RFX2: variants seen among roughly 807,000 people sequenced by gnomAD.
The protein encoded by RFX2 is DNA-binding protein RFX2.
RFX2 carries 20 observed loss-of-function variants against 87.8 expected under a neutral mutation model. The ratio of observed to expected loss-of-function variants is 0.23; its 90% CI spans 0.16 to 0.33. RFX2 has a LOEUF of 0.33. Among genes scored for constraint, RFX2 ranks in the 10% least tolerant of loss-of-function variants. The pLI is 1.00. For missense variants in RFX2, 767 were observed against 1,012.3 expected (o/e 0.76, Z 3.29); for synonymous variants, 397 against 431.3 (o/e 0.92, Z 0.98).
rs2086514614 is a variant in RFX2, at chr19:6,002,987, A to C, written c.1501-117T>G. Reference sequence around the variant, plus strand: ...CAGGGAGGAGGGAGCAGGAAACAGCAACCTGGGCAGGGAAGAGGGAACCTC... The same window carrying C: ...CAGGGAGGAGGGAGCAGGAAACAGCCACCTGGGCAGGGAAGAGGGAACCTC... On this transcript the variant is annotated intron_variant, in intron 13 of 17. Transcript: ENST00000303657. This position sits in a 1 kb window ranked among gnomAD's most constrained non-coding sequence, Gnocchi z 6.7. 1.7e-6 allele frequency: 2 copies of C among 1,191,146 alleles called. No homozygotes were observed. The highest frequency in any genetic ancestry group is 2.3e-6 in the Non-Finnish European group (2 of 859,666). The allele number at this position is 1,191,146 out of a possible 1,614,324, so 73.8% of individuals were successfully genotyped here. A position where few individuals can be genotyped will look rare whatever the true frequency, so the allele number is the denominator to read the frequency against.
chr19:6,073,014 C>G (rs994996059), intron 1 of RFX2: 23 of 533,374 alleles, frequency 4.3e-5, no homozygotes, highest in East Asian at 2.9e-4. Flanking sequence ...GAGTCTCACT[C>G]TGTTGTGCAG....
intron 1 of RFX2, chr19:6,068,517 T>C (rs78960448): frequency 0.081 from 12,367 of 152,194 alleles, 541 homozygotes; most frequent in Middle Eastern, 0.11. Context: ...AGTGCTGGGA[T>C]AGGAAGGGGT....
Position 6,016,108 on chromosome 19 carries a change from G to A in RFX2, c.761C>T (p.Thr254Met), listed in dbSNP as rs753387032. 1 of 1,608,004 alleles carries A rather than the reference G, an allele frequency of 6.2e-7. No individual in the cohort carries two copies. The highest frequency in any genetic ancestry group is 8.5e-7 in the Non-Finnish European group (1 of 1,176,234). Residue 254 changes from threonine (T) to methionine (M), a missense_variant, in exon 7 of 18, where the codon ACG becomes ATG. By Grantham distance (81) the Thr-to-Met change is moderately conservative. Around this residue, in one of 2 missense-constraint regions of RFX2, gnomAD observed 621 missense variants for 873.0 expected, o/e 0.71. Transcript: ENST00000303657. The surrounding 1 kb of genome is among the most constrained non-coding windows in gnomAD (Gnocchi z 5.4). Reference protein sequence around the residue: ...LIRSVFMGLRTRRLGTRGNSK... With the variant: ...LIRSVFMGLRMRRLGTRGNSK... ...TACCCACCTGGTGCCCAGCCGCCGC[G>A]TTCTCAGCCCCATAAACACAGAACG...
chr19:6,043,266 G>A (rs2087136954), intron 3 of RFX2, among the ~76,000 whole-genome samples: 1 of 152,246 alleles, frequency 6.6e-6, no homozygotes, highest in Non-Finnish European at 1.5e-5. Flanking sequence ...AGCTAAGACA[G>A]AGCCACTGGC....
At chr19:6,087,123 G>A (rs376758926) in intron 1 of RFX2, among the ~76,000 whole-genome samples, 5 of 152,112 alleles carry the variant, frequency 3.3e-5, no homozygotes, top group African/African-American at 1.2e-4. Context: ...TCACTTCCTG[G>A]GTGGGGACTG....
chr19:6,003,035 G>A lies in RFX2; in HGVS notation c.1501-165C>T, dbSNP rs147225337. On this transcript the variant is annotated intron_variant, in intron 13 of 17. Transcript: ENST00000303657. ...CTCCTGCTATTCTTAAGGACCCAGT[G>A]TGTGAGAATCAGTGAAGAGGAGACC... is the stretch of plus-strand genomic sequence containing the variant. Among the ~76,000 whole-genome samples, 1,467 of 152,276 alleles carry A rather than the reference G, an allele frequency of 9.6e-3. 8 individuals carry two copies. The highest frequency in any genetic ancestry group is 0.021 in the South Asian group (99 of 4,816).
In RFX2 at chr19:6,008,218, G is replaced by C; in HGVS notation, c.1022C>G (p.Ser341Cys). The C allele has an allele frequency of 6.4e-7, 1 of 1,555,280 alleles. No individual in the cohort carries two copies. The highest frequency in any genetic ancestry group is 1.2e-5 in the South Asian group (1 of 84,358). Residue 341 changes from serine to cysteine, a missense_variant, in exon 10 of 18, where the codon TCC (serine) becomes TGC (cysteine). Physicochemically the swap from Ser to Cys is moderately radical, Grantham distance 112 (BLOSUM62 -1). This residue lies in a region of RFX2 where 621 missense variants were observed against 873.0 expected (regional missense o/e 0.71). Coordinates refer to ENST00000303657, the MANE Select transcript of RFX2 (RefSeq NM_000635.4). ...SQHHQQYIDV[S>C]HVFPEFPAPD... is the part of the protein sequence containing the mutation. ...CGCTGGGAACTCGGGGAAGACGTGGGAGACATCTGGGGGAGGAACACGGGA... is the reference window on the plus strand; with the variant it reads ...CGCTGGGAACTCGGGGAAGACGTGGCAGACATCTGGGGGAGGAACACGGGA...
Position 6,004,409 on chromosome 19 carries a change from A to G in RFX2, c.1403-111T>C. The G allele has an allele frequency of 1.3e-5, 11 of 878,916 alleles. No individual in the cohort carries two copies. The highest frequency in any genetic ancestry group is 8.1e-5 in the South Asian group (6 of 73,758). 54.4% of individuals were successfully genotyped at this position (878,916 alleles called of 1,614,324 possible). ...AGTGCGATGAAAATGACCACCATGA[A>G]GAACGAGCCACACAGGCGACGGGGA... On this transcript the variant is annotated intron_variant, in intron 12 of 17. Transcript: ENST00000303657. The surrounding 1 kb of genome is among the most constrained non-coding windows in gnomAD (Gnocchi z 4.8).
chr19:6,064,817 C>T lies in RFX2; in HGVS notation c.-8-17313G>A, dbSNP rs1235438918. Among the ~76,000 whole-genome samples the T allele has an allele frequency of 6.6e-6, 1 of 152,206 alleles. No homozygotes were observed. Among genetic ancestry groups the T allele is most frequent in the Admixed American group, 6.5e-5 (1 of 15,286 alleles). On this transcript the variant is annotated intron_variant, in intron 1 of 17. Coordinates refer to ENST00000303657, the MANE Select transcript of RFX2 (RefSeq NM_000635.4). The surrounding 1 kb of genome is among the most constrained non-coding windows in gnomAD (Gnocchi z 4.8). ...GACCTTTTCAATCTACCTCCTACCT[C>T]CCCTCCAGTCGTGATTTGATTCTGG...
chr19:6,007,020 G>C lies in RFX2; in HGVS notation c.1394C>G (p.Pro465Arg). The C allele has an allele frequency of 6.2e-7, 1 of 1,614,042 alleles. No individual in the cohort carries two copies. The highest frequency in any genetic ancestry group is 8.5e-7 in the Non-Finnish European group (1 of 1,179,988). Reference sequence around the variant, plus strand: ...GGCCGTGGGTCACTTACTGGGGACCGGCCTCAGCACGTCGGGGATGAGAAT... The same window carrying C: ...GGCCGTGGGTCACTTACTGGGGACCCGCCTCAGCACGTCGGGGATGAGAAT... ...VEILIPDVLRPVPSTLTQAIR... is the reference protein window; with the variant it reads ...VEILIPDVLRRVPSTLTQAIR... Residue 465 changes from proline (P) to arginine (R), a missense_variant, in exon 12 of 18, where the codon CCG becomes CGG. Physicochemically the swap from Pro to Arg is moderately radical, Grantham distance 103. Coordinates refer to ENST00000303657, the MANE Select transcript of RFX2 (RefSeq NM_000635.4). This position sits in a 1 kb window ranked among gnomAD's most constrained non-coding sequence, Gnocchi z 8.2.
At chr19:6,029,951 A>C (rs897505167) in intron 5 of RFX2, among the ~76,000 whole-genome samples, 1 of 152,238 alleles carries the variant, frequency 6.6e-6, no homozygotes, top group Non-Finnish European at 1.5e-5. Flanking sequence ...AGCGGAAAGA[A>C]AAAAGAATGA....
At chr19:6,087,894 A>G (rs1386218509) in intron 1 of RFX2, among the ~76,000 whole-genome samples, 4 of 152,146 alleles carry the variant, frequency 2.6e-5, no homozygotes, top group African/African-American at 7.2e-5. Flanking sequence ...GTTTCTCCAC[A>G]TGGGCAGTTT....
Position 5,993,939 on chromosome 19 carries a change from T to C in RFX2, c.*896A>G, listed in dbSNP as rs1025137832. ...CACGCGGGATGGCTGCTTTCTGAAG[T>C]TGTGGCTGTGACACTGACCCTGTTG... On this transcript the variant is annotated 3_prime_UTR_variant, in exon 18 of 18. Coordinates refer to ENST00000303657, the MANE Select transcript of RFX2 (RefSeq NM_000635.4). The C allele has an allele frequency of 6.6e-6, 1 of 152,282 alleles. No individual in the cohort carries two copies. The highest frequency in any genetic ancestry group is 2.4e-5 in the African/African-American group (1 of 41,468). 9.4% of individuals were successfully genotyped at this position (152,282 alleles called of 1,614,324 possible).
Position 6,101,316 on chromosome 19 carries a change from A to C in RFX2, c.-9+9077T>G, listed in dbSNP as rs2088123662. ...TCAGTGGGTCTGGAATTCCAAATAT[A>C]TTTTTTCTCAAGGCAGGCTACATCT... is the stretch of plus-strand genomic sequence containing the variant. On this transcript the variant is annotated intron_variant, in intron 1 of 17. Transcript: ENST00000303657. This position sits in a 1 kb window ranked among gnomAD's most constrained non-coding sequence, Gnocchi z 4.9. Among the ~76,000 whole-genome samples the C allele has an allele frequency of 6.6e-6, 1 of 152,150 alleles. No individual in the cohort carries two copies. The highest frequency in any genetic ancestry group is 6.5e-5 in the Admixed American group (1 of 15,276).
Position 6,040,347 on chromosome 19 carries a change from A to G in RFX2, c.261-106T>C. 1 of 1,240,928 alleles carries G rather than the reference A, an allele frequency of 8.1e-7. No individual in the cohort carries two copies. The highest frequency in any genetic ancestry group is 1.1e-6 in the Non-Finnish European group (1 of 911,648). 76.9% of individuals were successfully genotyped at this position (1,240,928 alleles called of 1,614,324 possible). Reference sequence around the variant, plus strand: ...ATCACGTAAAAGCTGCAACCCAGAGAGGCCAGACATATGGAGCAATTCGGA... The same window carrying G: ...ATCACGTAAAAGCTGCAACCCAGAGGGGCCAGACATATGGAGCAATTCGGA... On this transcript the variant is annotated intron_variant, in intron 4 of 17. Coordinates refer to ENST00000303657, the MANE Select transcript of RFX2 (RefSeq NM_000635.4). This position sits in a 1 kb window ranked among gnomAD's most constrained non-coding sequence, Gnocchi z 6.1.
chr19:6,093,031 G>C (rs989893000), intron 1 of RFX2, among the ~76,000 whole-genome samples: 2 of 152,140 alleles, frequency 1.3e-5, no homozygotes, highest in African/African-American at 2.4e-5. Context: ...TTCAGGAGAG[G>C]ACAAAAGTGG....
chr19:5,999,382 G>A lies in RFX2; in HGVS notation c.1860-2169C>T, dbSNP rs976750162. 6.6e-6 allele frequency among the ~76,000 whole-genome samples: 1 copy of A among 152,096 alleles called. No individual in the cohort carries two copies. The highest frequency in any genetic ancestry group is 2.4e-5 in the African/African-American group (1 of 41,412). ...AGCTGTGCTCTTCTCTGGCTGGCAG[G>A]CACCTCAGTCCTGCGCTCACTCTGC... On this transcript the variant is annotated intron_variant, in intron 15 of 17. Coordinates refer to ENST00000303657, the MANE Select transcript of RFX2 (RefSeq NM_000635.4). This position sits in a 1 kb window ranked among gnomAD's most constrained non-coding sequence, Gnocchi z 4.1.
In RFX2 at chr19:5,994,882, C is replaced by T; in HGVS notation, c.2125G>A (p.Val709Ile). 1 of 1,610,706 alleles carries T rather than the reference C, an allele frequency of 6.2e-7. No individual in the cohort carries two copies. The part of the protein sequence containing the change: ...PDARSLGEPL[V>I]KRERSDPNHS... Reference sequence around the variant, plus strand: ...TTGGGGTCACTGCGCTCCCGCTTTACCAGGGGCTCACCCAGGCTGCGGGCG... The same window carrying T: ...TTGGGGTCACTGCGCTCCCGCTTTATCAGGGGCTCACCCAGGCTGCGGGCG... The change falls in exon 18 of 18, where the codon GTA (valine) becomes ATA (isoleucine). Residue 709 changes from valine (V) to isoleucine (I), a missense_variant. Physicochemically the swap from Val to Ile is conservative, Grantham distance 29. Transcript: ENST00000303657.
At chr19:6,034,746 C>T (rs900535985) in intron 5 of RFX2, among the ~76,000 whole-genome samples, 3 of 152,138 alleles carry the variant, frequency 2.0e-5, no homozygotes, top group Non-Finnish European at 4.4e-5. Flanking sequence ...TGAGCTGTGC[C>T]ACTGCGTGGA....
Sources: allele counts gnomAD v4.1 joint callset (sites outside exome capture counted in the v4.1 genomes callset), GRCh38; gene constraint gnomAD v4.1.1; regional missense constraint gnomAD v4.1.1; non-coding constraint Gnocchi (gnomAD v3.1); transcripts MANE v1.5; gene names NCBI Gene and HGNC (gene_info 2026-07-23, HGNC 2026-07-21).